The following PSG6 variants were observed in gnomAD, a reference collection of about 807,000 sequenced individuals.
PSG6 encodes pregnancy-specific beta-1-glycoprotein 6.
PSG6 carries 51 observed loss-of-function variants against 43.3 expected under a neutral mutation model. That is an observed-to-expected ratio of 1.18 (90% CI 0.94 to 1.49). PSG6 has a LOEUF of 1.49. Ranked by LOEUF, PSG6 falls within the 40% of genes most tolerant of loss-of-function variation. The pLI is 0.00. For missense variants in PSG6, 770 were observed against 522.2 expected (o/e 1.47, Z -4.62); for synonymous variants, 292 against 197.6 (o/e 1.48, Z -4.01).
chr19:42,906,568 G>T lies in PSG6; in HGVS notation c.1240+354C>A, dbSNP rs774839654. 47 of 1,322,954 alleles carry T rather than the reference G, an allele frequency of 3.6e-5. 1 individual carries two copies. The highest frequency in any genetic ancestry group is 4.7e-5 in the Non-Finnish European group (47 of 1,007,426). 82.0% of individuals were successfully genotyped at this position (1,322,954 alleles called of 1,614,324 possible). On this transcript the variant is annotated intron_variant, in intron 5 of 5. Transcript: ENST00000187910. Reference sequence around the variant, plus strand: ...CTTGTAGCTCATGGAATAGGTACAAGAAAACAAAGACATGGCAGAAGGGGA... The same window carrying T: ...CTTGTAGCTCATGGAATAGGTACAATAAAACAAAGACATGGCAGAAGGGGA...
At chr19:42,910,933 T>G in intron 2 of PSG6, 75 bp from the exon 3 acceptor site, 1 of 1,534,200 alleles carries the variant, frequency 6.5e-7, no homozygotes, top group Non-Finnish European at 8.8e-7. Flanking sequence ...CAATCAGAGT[T>G]GGCATTTCCA....
Position 42,916,490 on chromosome 19 carries a change from A to T in PSG6, c.65-3T>A, listed in dbSNP as rs748370320. ...GTTCCAGAAGTTTAAAAGTGATGCT[A>T]GGAGGTAGAGACAGCATCAGTTAAT... is the stretch of plus-strand genomic sequence containing the variant. On this transcript the variant is annotated splice_polypyrimidine_tract_variant and splice_region_variant and intron_variant, in intron 1 of 5. Transcript: ENST00000187910. 3.1e-6 allele frequency: 5 copies of T among 1,607,634 alleles called. 1 individual carries two copies. The highest frequency in any genetic ancestry group is 4.2e-6 in the Non-Finnish European group (5 of 1,176,918).
chr19:42,908,854 T>A (rs952346537), intron 3 of PSG6, among the ~76,000 whole-genome samples: 3 of 151,670 alleles, frequency 2.0e-5, no homozygotes, highest in African/African-American at 7.3e-5. Flanking sequence ...GTAAGTTGAT[T>A]CCAGATTGAA....
chr19:42,917,361 TTC>T (rs1021449728), intron 1 of PSG6, among the ~76,000 whole-genome samples: 2 of 131,942 alleles, frequency 1.5e-5, no homozygotes, highest in Admixed American at 8.1e-5. Flanking sequence ...CTTCTTTTTA[TTC>T]TTTTTTTTTT....
intron 2 of PSG6, among the ~76,000 whole-genome samples, chr19:42,913,028 T>A (rs1309584434): frequency 6.6e-6 from 1 of 151,730 alleles, no homozygotes; most frequent in Non-Finnish European, 1.5e-5. Context: ...CCGCTTTTTT[T>A]CCCCACTCTT....
chr19:42,911,924 C>A (rs1183612131), intron 2 of PSG6, among the ~76,000 whole-genome samples: 1 of 151,378 alleles, frequency 6.6e-6, no homozygotes, highest in South Asian at 2.1e-4. Flanking sequence ...GGCGTTGTTC[C>A]GTGGGTGTGC....
intron 1 of PSG6, among the ~76,000 whole-genome samples, chr19:42,917,202 T>G (rs1426913192): frequency 6.6e-6 from 1 of 151,368 alleles, no homozygotes; most frequent in South Asian, 2.1e-4. Flanking sequence ...TGGCCCCTGA[T>G]GATTAATCAG....
intron 2 of PSG6, 42 bp downstream of exon 2, chr19:42,916,082 AC>A: frequency 6.2e-7 from 1 of 1,604,308 alleles, no homozygotes. Flanking sequence ...AGTAGAAATG[AC>A]CCCTGCCCCC....
chr19:42,902,650 C>A lies in PSG6; in HGVS notation c.1241-204G>T, dbSNP rs1441790180. Among the ~76,000 whole-genome samples, 4 of 151,718 alleles carry A rather than the reference C, an allele frequency of 2.6e-5. No homozygotes were observed. The East Asian group carries it at 5.8e-4, about 22-fold the overall frequency. On this transcript the variant is annotated intron_variant, in intron 5 of 5. Transcript: ENST00000187910. ...AGAACTGCATTGGTACCTAAAACTT[C>A]TTTCTCTTTCTTTTTCACAGGAATC... is the stretch of plus-strand genomic sequence containing the variant.
At chr19:42,914,940 G>T (rs1972296920) in intron 2 of PSG6, among the ~76,000 whole-genome samples, 1 of 151,508 alleles carries the variant, frequency 6.6e-6, no homozygotes, top group Admixed American at 6.6e-5. Context: ...CATTTTTTTT[G>T]CACTGACTCT....
intron 2 of PSG6, among the ~76,000 whole-genome samples, chr19:42,912,628 AT>A (rs1457033862): frequency 1.3e-5 from 2 of 151,840 alleles, no homozygotes; most frequent in Non-Finnish European, 2.9e-5. Flanking sequence ...CCTGCTTCTA[AT>A]TTCTGTGCAG....
At chr19:42,915,501 A>C (rs1397116335) in intron 2 of PSG6, 1 of 154,422 alleles carries the variant, frequency 6.5e-6, no homozygotes. Context: ...GATGGCCTAC[A>C]AAGCTTGTCT....
intron 5 of PSG6, chr19:42,906,559 T>G (rs1351101776): frequency 3.1e-6 from 4 of 1,305,024 alleles, no homozygotes; most frequent in South Asian, 4.1e-5. Context: ...GCTCATGGAA[T>G]AGGTACAAGA....
rs1348599843 is a variant in PSG6, at chr19:42,902,387, C to T, written c.*25G>A. On this transcript the variant is annotated 3_prime_UTR_variant, in exon 6 of 6. Transcript: ENST00000187910. ...ATGAAGGTATCAACCTGTTCTTTTT[C>T]TCAGTGTCTCTATTGTGGCAGCCAT... is the stretch of plus-strand genomic sequence containing the variant. 1.2e-6 allele frequency: 2 copies of T among 1,608,328 alleles called. No homozygotes were observed. The highest frequency in any genetic ancestry group is 1.1e-5 in the South Asian group (1 of 90,050).
rs904344702 is a variant in PSG6 at position 42,917,489 on chromosome 19, G to A, written c.64+240C>T. 5.4e-5 allele frequency among the ~76,000 whole-genome samples: 8 copies of A among 148,868 alleles called. 1 individual carries two copies. Among genetic ancestry groups the A allele is most frequent in the East Asian group, 4.0e-4 (2 of 5,036 alleles). ...TGTGATTATCCTGCCTCAGCCTCCC[G>A]AAAGCTGGGATTACAGGAGCACACC... On this transcript the variant is annotated intron_variant, in intron 1 of 5. Transcript: ENST00000187910.
chr19:42,911,582 T>C (rs1972227455), intron 2 of PSG6, among the ~76,000 whole-genome samples: 1 of 151,664 alleles, frequency 6.6e-6, no homozygotes, highest in East Asian at 1.9e-4. Flanking sequence ...ATGATCCCTG[T>C]TCTGGGTCCA....
At chr19:42,916,613 A>AAC (rs957536201) in intron 1 of PSG6, 126 bp from the exon 2 acceptor site, 62 of 1,333,648 alleles carry the variant, frequency 4.6e-5, no homozygotes, top group South Asian at 4.2e-4. Context: ...CACACATACA[A>AAC]ACACACACAC....
In PSG6 at chr19:42,913,633, T is replaced by C. The variant is rs772757111; in HGVS notation, c.427+2492A>G. On this transcript the variant is annotated intron_variant, in intron 2 of 5. Coordinates refer to ENST00000187910, the MANE Select transcript of PSG6 (RefSeq NM_001031850.4). The stretch of plus-strand genomic sequence containing the variant: ...GGAGTCACTAGTGAAATGGGTGAAA[T>C]GAGCCTATGGGCTTAATTGCTCCTA... Among the ~76,000 whole-genome samples the C allele has an allele frequency of 3.1e-4, 47 of 151,722 alleles. 2 individuals are homozygous for C. The highest frequency in any genetic ancestry group is 6.3e-4 in the Non-Finnish European group (43 of 67,924).
Position 42,906,981 on chromosome 19 carries a change from G to C in PSG6, c.1181C>G (p.Ser394Cys). The change falls in exon 5 of 6, where the codon TCT becomes TGT. Residue 394 changes from serine (S) to cysteine (C), a missense_variant. By Grantham distance (112) the Ser-to-Cys change is moderately radical. Coordinates refer to ENST00000187910, the MANE Select transcript of PSG6 (RefSeq NM_001031850.4). Reference sequence around the variant, plus strand: ...CTTGCCAGTGGCTGAGTTACGAACAGAGCAAGCATAGAGCCCGCTATGATT... The same window carrying C: ...CTTGCCAGTGGCTGAGTTACGAACACAGCAAGCATAGAGCCCGCTATGATT... ...TTNHSGLYAC[S>C]VRNSATGKEI... The C allele has an allele frequency of 6.2e-7, 1 of 1,612,472 alleles. No individual in the cohort carries two copies. Among genetic ancestry groups the C allele is most frequent in the Non-Finnish European group, 8.5e-7 (1 of 1,179,108 alleles).
Sources: gnomAD v4.1 joint callset for allele counts (sites outside exome capture counted in the v4.1 genomes callset) on GRCh38, gnomAD v4.1.1 for gene constraint, MANE v1.5 for transcripts, NCBI Gene and HGNC (gene_info 2026-07-23, HGNC 2026-07-21) for gene names.